RUNX1: variants seen among roughly 807,000 people sequenced by gnomAD.
The protein encoded by RUNX1 is RUNX family transcription factor 1.
In RUNX1, 19 loss-of-function variants were observed where a neutral mutation model predicts 42.8. The observed-to-expected ratio is 0.44, with a 90% CI of 0.31 to 0.65. The LOEUF (loss-of-function observed/expected upper bound fraction) is 0.65, where lower values mean the gene tolerates loss of function less well. Ranked by LOEUF, RUNX1 falls within the 30% of genes least tolerant of loss-of-function variation. The pLI is 0.07. For missense variants in RUNX1, 528 were observed against 672.0 expected, an observed-to-expected ratio of 0.79 and a Z score of 2.37; for synonymous variants, 271 against 289.4, an observed-to-expected ratio of 0.94 and a Z score of 0.64.
chr21:34,992,414 G>A (rs993792731), intron 2 of RUNX1, among the ~76,000 whole-genome samples: 5 of 152,126 alleles, frequency 3.3e-5, no homozygotes, highest in African/African-American at 9.7e-5. Context: ...CAGCCACCTG[G>A]GGCTTCAATC....
At chr21:34,893,161 G>T (rs2058099344) in intron 2 of RUNX1, among the ~76,000 whole-genome samples, 198 bp from the exon 3 acceptor site, 1 of 151,994 alleles carries the variant, frequency 6.6e-6, no homozygotes, top group East Asian at 1.9e-4. Context: ...GTGGTTTTAG[G>T]TACCTTCAAC....
intron 4 of RUNX1, 81 bp from the exon 5 acceptor site, chr21:34,880,794 T>C: frequency 7.3e-7 from 1 of 1,362,610 alleles, no homozygotes; most frequent in East Asian, 2.3e-5. Flanking sequence ...GTGATTATTC[T>C]AAAATTAAAT....
chr21:35,012,524 C>T (rs1274827397), intron 2 of RUNX1, among the ~76,000 whole-genome samples: 2 of 152,148 alleles, frequency 1.3e-5, no homozygotes, highest in East Asian at 3.8e-4. Flanking sequence ...GCAAGATCGA[C>T]TTGAATGGTA....
At chr21:34,941,232 G>T (rs1478303557) in intron 2 of RUNX1, among the ~76,000 whole-genome samples, 2 of 152,166 alleles carry the variant, frequency 1.3e-5, no homozygotes, top group African/African-American at 2.4e-5. Context: ...TGCCTCCAGG[G>T]TGCCTGTGGT....
At chr21:35,033,369 C>T (rs1474479) in intron 2 of RUNX1, among the ~76,000 whole-genome samples, 51,161 of 152,076 alleles carry the variant, frequency 0.34, 8,940 homozygotes, top group Non-Finnish European at 0.37. Flanking sequence ...TTTGCACGAG[C>T]TACCAATGAG....
rs188812411 is a variant in RUNX1 at position 34,789,295 on chromosome 21, T to A, written c.*2840A>T. 2.9e-4 allele frequency: 68 copies of A among 232,158 alleles called. No individual in the cohort carries two copies. The highest frequency in any genetic ancestry group is 1.3e-3 in the Middle Eastern group (1 of 788). The allele number at this position is 232,158 out of a possible 1,614,324, so 14.4% of individuals were successfully genotyped here. ...AAAAGGAGGAGGGAGAAAGTGGGGT[T>A]TGGAAGATAGAGGAAGAGAGAAAAA... On this transcript the variant is annotated 3_prime_UTR_variant, in exon 9 of 9. Coordinates refer to ENST00000675419, the MANE Select transcript of RUNX1 (RefSeq NM_001754.5).
chr21:34,923,564 C>A (rs1213554619), intron 2 of RUNX1, among the ~76,000 whole-genome samples: 1 of 152,150 alleles, frequency 6.6e-6, no homozygotes, highest in Non-Finnish European at 1.5e-5. Context: ...TAGTTGTTGA[C>A]CTAGTTTATA....
Position 34,940,571 on chromosome 21 carries a change from A to G in RUNX1, c.59-47608T>C, listed in dbSNP as rs77829532. Among the ~76,000 whole-genome samples, 219 of 152,348 alleles carry G rather than the reference A, an allele frequency of 1.4e-3. 3 individuals are homozygous for G. In the East Asian group the frequency reaches 0.035, roughly 25 times the overall value. The stretch of plus-strand genomic sequence containing the variant: ...TTCTCTAACCCAGAGATGAATTAAA[A>G]AGGAGAATTTTCATCCTATGTGCTT... On this transcript the variant is annotated intron_variant, in intron 2 of 8. Coordinates refer to ENST00000675419, the MANE Select transcript of RUNX1 (RefSeq NM_001754.5).
At chr21:34,947,845 G>A (rs962426456) in intron 2 of RUNX1, among the ~76,000 whole-genome samples, 11 of 152,144 alleles carry the variant, frequency 7.2e-5, no homozygotes, top group African/African-American at 2.2e-4. Flanking sequence ...TTATAGAAGC[G>A]CTTCTGGACA....
intron 2 of RUNX1, chr21:35,038,399 G>T (rs1052107529): frequency 2.6e-6 from 1 of 385,242 alleles, no homozygotes; most frequent in Admixed American, 3.1e-5. Context: ...CTTCAACATG[G>T]ACTGAAGCCT....
chr21:34,974,175 T>C (rs920781590), intron 2 of RUNX1, among the ~76,000 whole-genome samples: 5 of 152,278 alleles, frequency 3.3e-5, no homozygotes, highest in South Asian at 2.1e-4. Context: ...ATATGCCTGA[T>C]AGTTTTCTGT....
chr21:35,043,385 C>T (rs2059374069), intron 2 of RUNX1, among the ~76,000 whole-genome samples: 1 of 152,134 alleles, frequency 6.6e-6, no homozygotes, highest in Non-Finnish European at 1.5e-5. Flanking sequence ...GTGCTTTGAA[C>T]ATTTTAATAT....
chr21:34,991,213 C>G (rs917241041), intron 2 of RUNX1, among the ~76,000 whole-genome samples: 2 of 152,218 alleles, frequency 1.3e-5, no homozygotes, highest in East Asian at 3.9e-4. Flanking sequence ...TCTGAACATG[C>G]CAGGCCCCTA....
intron 2 of RUNX1, among the ~76,000 whole-genome samples, chr21:34,989,124 T>C (rs1296814363): frequency 6.6e-6 from 1 of 152,024 alleles, no homozygotes; most frequent in African/African-American, 2.4e-5. Flanking sequence ...TTCTCCTGCC[T>C]CAATCTCCTG....
chr21:34,859,387 A>G (rs776431026), intron 6 of RUNX1, 87 bp downstream of exon 6: 15 of 1,092,204 alleles, frequency 1.4e-5, no homozygotes, highest in Non-Finnish European at 2.0e-5. Context: ...GTTGAACCCA[A>G]GGAATCTGAG....
At position 34,792,363 on chromosome 21, in the gene RUNX1, C is replaced by T. The variant is rs1488763689; in HGVS notation, c.1215G>A (p.Leu405=). 3 of 1,562,292 alleles carry T rather than the reference C, an allele frequency of 1.9e-6. No individual in the cohort carries two copies. The highest frequency in any genetic ancestry group is 1.9e-5 in the Admixed American group (1 of 51,718). ...PFQASSPSYH[L]YYGASAGSYQ... is the part of the protein sequence containing the mutation. ...AGGAGCCGGCCGAGGCGCCGTAGTA[C>T]AGGTGGTAGGAGGGCGAGCTGGCTT... The change falls in exon 9 of 9, where the codon CTG becomes CTA. Residue 405 remains leucine (L), a synonymous_variant. Transcript: ENST00000675419. This position sits in a 1 kb window ranked among gnomAD's most constrained non-coding sequence, Gnocchi z 6.9.
intron 2 of RUNX1, among the ~76,000 whole-genome samples, chr21:34,915,769 C>G (rs2058307462): frequency 6.6e-6 from 1 of 152,060 alleles, no homozygotes; most frequent in Non-Finnish European, 1.5e-5. Flanking sequence ...CTTGCAAATT[C>G]CATTTTTCCT....
Position 34,798,434 on chromosome 21 carries a change from T to C in RUNX1, c.967+867A>G, listed in dbSNP as rs1330812560. ...CATAGGTTAAATGACTAATACTTAA[T>C]GAGCTCATATTAACAACAATTATGC... On this transcript the variant is annotated intron_variant, in intron 8 of 8. Coordinates refer to ENST00000675419, the MANE Select transcript of RUNX1 (RefSeq NM_001754.5). 5.3e-5 allele frequency among the ~76,000 whole-genome samples: 8 copies of C among 152,350 alleles called. No homozygotes were observed. The East Asian group carries it at 1.5e-3, about 29-fold the overall frequency.
intron 2 of RUNX1, among the ~76,000 whole-genome samples, chr21:35,031,343 C>T (rs1601691971): frequency 6.6e-6 from 1 of 151,880 alleles, no homozygotes; most frequent in Non-Finnish European, 1.5e-5. Context: ...AACGAAACTC[C>T]GTCTCAAAAA....
Sources: gnomAD v4.1 joint callset for allele counts (sites outside exome capture counted in the v4.1 genomes callset) on GRCh38, gnomAD v4.1.1 for gene constraint, Gnocchi (gnomAD v3.1) non-coding constraint, MANE v1.5 for transcripts, NCBI Gene and HGNC (gene_info 2026-07-23, HGNC 2026-07-21) for gene names.